Variants in DPP6 observed in about 807,000 individuals in gnomAD.
The protein encoded by DPP6 is A-type potassium channel modulatory protein DPP6.
A neutral mutation model predicts 122.6 loss-of-function variants in DPP6; 69 were observed. The ratio of observed to expected loss-of-function variants is 0.56; its 90% CI spans 0.46 to 0.69. The LOEUF is 0.69. Among genes scored for constraint, DPP6 ranks in the 30% least tolerant of loss-of-function variants. The pLI, the probability that DPP6 is intolerant of heterozygous loss-of-function variation, is 0.00. For missense variants in DPP6, 928 were observed against 1,116.9 expected (o/e 0.83, Z 2.41); for synonymous variants, 418 against 433.1 (o/e 0.97, Z 0.43).
At chr7:154,659,549 C>A (rs10282013) in intron 6 of DPP6, among the ~76,000 whole-genome samples, 122,654 of 152,154 alleles carry the variant, frequency 0.81, 50,936 homozygotes, top group East Asian at 0.98. Flanking sequence ...TAGATTATTG[C>A]GTCCAACCCT....
chr7:154,505,995 T>A (rs544130865), intron 3 of DPP6, among the ~76,000 whole-genome samples: 6 of 152,162 alleles, frequency 3.9e-5, no homozygotes, highest in African/African-American at 1.4e-4. Flanking sequence ...TATATTTATT[T>A]ATCTATAAAT....
chr7:154,775,103 G>T (rs915403689), intron 10 of DPP6, among the ~76,000 whole-genome samples: 1 of 152,168 alleles, frequency 6.6e-6, no homozygotes, highest in South Asian at 2.1e-4. Context: ...CATCACAAAT[G>T]TCTCCAGCAT....
At chr7:154,549,346 C>T (rs1829457416) in intron 4 of DPP6, among the ~76,000 whole-genome samples, 1 of 152,162 alleles carries the variant, frequency 6.6e-6, no homozygotes, top group South Asian at 2.1e-4. Flanking sequence ...CAATCACTGA[C>T]AACAGATTGC....
chr7:154,131,073 C>T (rs1217928637), intron 1 of DPP6, among the ~76,000 whole-genome samples: 1 of 152,086 alleles, frequency 6.6e-6, no homozygotes, highest in Non-Finnish European at 1.5e-5. Context: ...CTCTCTGGGT[C>T]TTAGCTTTAA....
In DPP6 at chr7:154,741,012, T is replaced by C. The variant is rs139961668; in HGVS notation, c.883+13125T>C. On this transcript the variant is annotated intron_variant, in intron 8 of 25. Transcript: ENST00000377770. ...GGGAAGGTGTAAGGGAATGCAAAGA[T>C]AGCTCACCTCCACGTCAGAGCTCCC... Among the ~76,000 whole-genome samples the C allele has an allele frequency of 3.6e-3, 545 of 152,308 alleles. 2 individuals carry two copies. The highest frequency in any genetic ancestry group is 0.013 in the African/African-American group (526 of 41,566).
At chr7:153,904,669 G>A (rs932220471) in intron 1 of DPP6, among the ~76,000 whole-genome samples, 4 of 152,194 alleles carry the variant, frequency 2.6e-5, no homozygotes, top group Non-Finnish European at 5.9e-5. Flanking sequence ...ACACCTCAGT[G>A]AATAAAATAT....
chr7:154,826,833 T>C (rs1800190147), intron 16 of DPP6, among the ~76,000 whole-genome samples: 1 of 152,230 alleles, frequency 6.6e-6, no homozygotes, highest in African/African-American at 2.4e-5. Flanking sequence ...GACGTCTGGC[T>C]AAATGTTACA....
At chr7:154,379,322 C>T (rs1425847013) in intron 1 of DPP6, among the ~76,000 whole-genome samples, 1 of 151,864 alleles carries the variant, frequency 6.6e-6, no homozygotes, top group Non-Finnish European at 1.5e-5. Context: ...ATCACTTGGA[C>T]ACAGGGCAGG....
chr7:154,586,185 C>A (rs1563896584), intron 5 of DPP6, among the ~76,000 whole-genome samples: 1 of 152,000 alleles, frequency 6.6e-6, no homozygotes, highest in Non-Finnish European at 1.5e-5. Context: ...TGCCACGTGA[C>A]CAGGTGAGGT....
At chr7:154,599,631 A>G (rs912057756) in intron 5 of DPP6, among the ~76,000 whole-genome samples, 2 of 151,762 alleles carry the variant, frequency 1.3e-5, no homozygotes, top group African/African-American at 2.4e-5. Context: ...TTAACTCGTC[A>G]TTTACATTAG....
chr7:154,313,685 G>GTGTGTGTGTA lies in DPP6; in HGVS notation c.244-132528_244-132527insGTGTGTGTAT. Among the ~76,000 whole-genome samples the GTGTGTGTGTA allele has an allele frequency of 6.0e-3, 123 of 20,456 alleles. 10 individuals are homozygous for GTGTGTGTGTA. The highest frequency in any genetic ancestry group is 0.013 in the African/African-American group (103 of 7,870). 13.4% of individuals were successfully genotyped at this position (20,456 alleles called of 152,430 possible). On this transcript the variant is annotated intron_variant, in intron 1 of 25. Coordinates refer to ENST00000377770, the MANE Select transcript of DPP6 (RefSeq NM_130797.4). ...AAGCAACAAGATATTTTAAGATATG[G>GTGTGTGTGTA]TATATATATATATATATATATATAT...
At chr7:154,358,459 G>A (rs562204530) in intron 1 of DPP6, among the ~76,000 whole-genome samples, 70 of 152,238 alleles carry the variant, frequency 4.6e-4, no homozygotes, top group African/African-American at 1.5e-3. Flanking sequence ...TGTCATGTGC[G>A]CCGTATTACA....
chr7:154,092,416 AGT>A (rs1282891751), intron 1 of DPP6: 1 of 151,548 alleles, frequency 6.6e-6, no homozygotes, highest in Non-Finnish European at 1.5e-5. Flanking sequence ...CCAGGCCTCC[AGT>A]GTGTGTAGTT....
chr7:154,703,924 G>A (rs1186489888), intron 7 of DPP6, among the ~76,000 whole-genome samples: 1 of 150,794 alleles, frequency 6.6e-6, no homozygotes, highest in Non-Finnish European at 1.5e-5. Flanking sequence ...GTGACAGAGC[G>A]AGACTCTGTC....
chr7:154,122,296 G>A (rs970963269), intron 1 of DPP6, among the ~76,000 whole-genome samples: 2 of 152,206 alleles, frequency 1.3e-5, no homozygotes, highest in African/African-American at 2.4e-5. Context: ...AGGGGCGGCA[G>A]TGGTGACGTG....
chr7:154,339,297 G>T (rs1309145592), intron 1 of DPP6, among the ~76,000 whole-genome samples: 3 of 152,260 alleles, frequency 2.0e-5, no homozygotes, highest in African/African-American at 4.8e-5. Flanking sequence ...ACAGGGACGT[G>T]GGGTGGTGGG....
rs1352924103 is a variant in DPP6, at chr7:154,624,763, C to T, written c.628-13058C>T. 1.3e-5 allele frequency among the ~76,000 whole-genome samples: 2 copies of T among 152,164 alleles called. No individual in the cohort carries two copies. The highest frequency in any genetic ancestry group is 2.9e-5 in the Non-Finnish European group (2 of 68,032). Reference sequence around the variant, plus strand: ...CCAGGAAGAAACCTGTTAATCTGCACCATGTCAGGGACCCCACCCCAGGAT... The same window carrying T: ...CCAGGAAGAAACCTGTTAATCTGCATCATGTCAGGGACCCCACCCCAGGAT... On this transcript the variant is annotated intron_variant, in intron 5 of 25. Coordinates refer to ENST00000377770, the MANE Select transcript of DPP6 (RefSeq NM_130797.4). This position sits in a 1 kb window ranked among gnomAD's most constrained non-coding sequence, Gnocchi z 4.7.
chr7:154,121,879 A>G (rs1026842204), intron 1 of DPP6, among the ~76,000 whole-genome samples: 1 of 152,204 alleles, frequency 6.6e-6, no homozygotes, highest in Admixed American at 6.5e-5. Context: ...TTCTAAAGCC[A>G]TATTGTAGAT....
intron 1 of DPP6, among the ~76,000 whole-genome samples, chr7:154,083,487 TC>T (rs984128546): frequency 3.3e-5 from 5 of 149,590 alleles, no homozygotes; most frequent in Admixed American, 6.6e-5. Context: ...TGGTTCCTGG[TC>T]ACCCAAGCCT....
Sources: allele counts gnomAD v4.1 joint callset (sites outside exome capture counted in the v4.1 genomes callset), GRCh38; gene constraint gnomAD v4.1.1; non-coding constraint Gnocchi (gnomAD v3.1); transcripts MANE v1.5; gene names NCBI Gene and HGNC (gene_info 2026-07-23, HGNC 2026-07-21).